The following SNPH variants were observed in gnomAD, a reference collection of about 807,000 sequenced individuals.
SNPH encodes syntaphilin.
SNPH carries 10 observed loss-of-function variants against 36.8 expected under a neutral mutation model. That is an observed-to-expected ratio of 0.27 (90% CI 0.17 to 0.46). SNPH has a LOEUF of 0.46. Ranked by LOEUF, SNPH falls within the 20% of genes least tolerant of loss-of-function variation. The pLI is 1.00. For missense variants in SNPH, 622 were observed against 744.0 expected, an observed-to-expected ratio of 0.84 and a Z score of 1.91; for synonymous variants, 281 against 312.2, an observed-to-expected ratio of 0.90 and a Z score of 1.05.
chr20:1,299,291 A>G (rs2088477379), intron 5 of SNPH, among the ~76,000 whole-genome samples: 1 of 152,184 alleles, frequency 6.6e-6, no homozygotes, highest in South Asian at 2.1e-4. Context: ...TTCCAGGCTC[A>G]TAAAGGGACA....
chr20:1,289,824 T>C (rs563385013), intron 2 of SNPH, among the ~76,000 whole-genome samples: 87 of 152,116 alleles, frequency 5.7e-4, no homozygotes, highest in Admixed American at 4.6e-4. Context: ...AGTAAGACCC[T>C]GGCTCTAAAA....
At chr20:1,298,908 T>G (rs921715871) in intron 5 of SNPH, among the ~76,000 whole-genome samples, 2 of 151,666 alleles carry the variant, frequency 1.3e-5, no homozygotes, top group Admixed American at 6.6e-5. Flanking sequence ...AAATTTTATA[T>G]CGGGGAAAAT....
At chr20:1,277,775 CTG>C (rs1225629933) in intron 2 of SNPH, among the ~76,000 whole-genome samples, 2 of 116,048 alleles carry the variant, frequency 1.7e-5, no homozygotes, top group South Asian at 2.9e-4. Flanking sequence ...GTGTCTGTCT[CTG>C]TGTGTGCCTG....
chr20:1,291,137 C>T (rs1431489888), intron 2 of SNPH, among the ~76,000 whole-genome samples: 1 of 152,212 alleles, frequency 6.6e-6, no homozygotes, highest in Non-Finnish European at 1.5e-5. Context: ...TGAGTCTAAT[C>T]ACTGGAGACA....
intron 5 of SNPH, among the ~76,000 whole-genome samples, chr20:1,298,953 G>A (rs2088473638): frequency 6.6e-6 from 1 of 151,484 alleles, no homozygotes; most frequent in Non-Finnish European, 1.5e-5. Flanking sequence ...ATGTAAAATA[G>A]TTACTTCCTC....
intron 2 of SNPH, among the ~76,000 whole-genome samples, chr20:1,277,722 G>T (rs1292359548): frequency 6.7e-6 from 1 of 148,282 alleles, no homozygotes; most frequent in Admixed American, 6.7e-5. Context: ...GTGTGTCTGT[G>T]TGTGTATCTG....
chr20:1,296,183 G>A lies in SNPH; in HGVS notation c.-57G>A, dbSNP rs1220382245. The A allele has an allele frequency of 1.6e-5, 23 of 1,396,872 alleles. No individual in the cohort carries two copies. Among genetic ancestry groups the A allele is most frequent in the South Asian group, 4.5e-5 (3 of 66,894 alleles). 86.5% of individuals were successfully genotyped at this position (1,396,872 alleles called of 1,614,324 possible). On this transcript the variant is annotated 5_prime_UTR_variant, in exon 4 of 7. The change creates a new upstream start codon in the 5' untranslated region. Transcript: ENST00000381867. ...ATTCAATTCACTGGTGGAGGCAGCC[G>A]TGGTCTGCCAGGCCCTCGCTCCTGG...
chr20:1,281,125 G>A (rs2088213475), intron 2 of SNPH, among the ~76,000 whole-genome samples: 1 of 152,094 alleles, frequency 6.6e-6, no homozygotes, highest in Non-Finnish European at 1.5e-5. Flanking sequence ...CAGAGGCCTG[G>A]GCGTCATCAC....
intron 6 of SNPH, among the ~76,000 whole-genome samples, chr20:1,301,302 C>T (rs1384377715): frequency 6.6e-6 from 1 of 152,082 alleles, no homozygotes; most frequent in Non-Finnish European, 1.5e-5. Flanking sequence ...GTGCTTAATC[C>T]CAACCCTCCC....
At chr20:1,277,916 T>C (rs1310415215) in intron 2 of SNPH, among the ~76,000 whole-genome samples, 7 of 148,282 alleles carry the variant, frequency 4.7e-5, no homozygotes, top group African/African-American at 1.0e-4. Context: ...TGTGTGTGTG[T>C]GCCTGTGTGT....
At position 1,305,271 on chromosome 20, in the gene SNPH, C is replaced by T. The variant is rs372413123; in HGVS notation, c.834C>T (p.Ser278=). The change falls in exon 7 of 7, where the codon AGC becomes AGT. Residue 278 remains serine, a synonymous_variant. Coordinates refer to ENST00000381867, the MANE Select transcript of SNPH (RefSeq NM_001318234.2). ...ACCGCCAGCCGGGTGATCCCTCCAGCGGCTCTGCTGAGGATGGGGCAGACA... is the reference window on the plus strand; with the variant it reads ...ACCGCCAGCCGGGTGATCCCTCCAGTGGCTCTGCTGAGGATGGGGCAGACA... The part of the protein sequence containing the change: ...CGDRQPGDPS[S]GSAEDGADSG... 2.7e-5 allele frequency: 44 copies of T among 1,610,626 alleles called. No individual in the cohort carries two copies. The highest frequency in any genetic ancestry group is 6.7e-5 in the African/African-American group (5 of 74,948).
intron 5 of SNPH, 112 bp downstream of exon 5, chr20:1,297,364 A>G: frequency 3.3e-6 from 3 of 911,774 alleles, no homozygotes; most frequent in Non-Finnish European, 5.0e-6. Context: ...ACGCCAGCAT[A>G]GCCGCTGGCC....
intron 3 of SNPH, among the ~76,000 whole-genome samples, chr20:1,295,231 C>T (rs1297056620): frequency 6.6e-6 from 1 of 152,174 alleles, no homozygotes; most frequent in East Asian, 1.9e-4. Context: ...TGGGCTAATA[C>T]CCAGTATAGC....
In SNPH at chr20:1,266,454, G is replaced by C; in HGVS notation, c.-600+57G>C. 1 of 699,544 alleles carries C rather than the reference G, an allele frequency of 1.4e-6. No individual in the cohort carries two copies. Among genetic ancestry groups the C allele is most frequent in the Non-Finnish European group, 2.1e-6 (1 of 471,164 alleles). The allele number at this position is 699,544 out of a possible 1,614,324, so 43.3% of individuals were successfully genotyped here. A position where few individuals can be genotyped will look rare whatever the true frequency, so the allele number is the denominator to read the frequency against. On this transcript the variant is annotated intron_variant, in intron 1 of 6. Coordinates refer to ENST00000381867, the MANE Select transcript of SNPH (RefSeq NM_001318234.2). This position sits in a 1 kb window ranked among gnomAD's most constrained non-coding sequence, Gnocchi z 6.0. ...CCACCGCCCAGCTGCACCCGCCGCA[G>C]TCCAGAGTGCCGAGTGCCAGGGGGT...
chr20:1,277,734 G>T (rs1410682019), intron 2 of SNPH, among the ~76,000 whole-genome samples: 1 of 147,858 alleles, frequency 6.8e-6, no homozygotes, highest in Non-Finnish European at 1.5e-5. Flanking sequence ...GTGTATCTGT[G>T]TGTGTCGTGT....
chr20:1,267,518 C>T (rs1002712053), intron 2 of SNPH, among the ~76,000 whole-genome samples: 1 of 152,092 alleles, frequency 6.6e-6, no homozygotes, highest in African/African-American at 2.4e-5. Flanking sequence ...AAGGAAAGTG[C>T]CAGAGATTGG....
chr20:1,293,598 C>A (rs753379680), intron 2 of SNPH, among the ~76,000 whole-genome samples: 21 of 152,122 alleles, frequency 1.4e-4, no homozygotes, highest in Non-Finnish European at 2.4e-4. Flanking sequence ...TGAGTAGGAT[C>A]CTGAGAGGTG....
intron 2 of SNPH, among the ~76,000 whole-genome samples, chr20:1,274,612 T>C (rs2088109947): frequency 6.6e-6 from 1 of 152,088 alleles, no homozygotes. Context: ...TGAGACTATC[T>C]GAGAAGGCTT....
In SNPH at chr20:1,294,051, G is replaced by T. The variant is rs1006155974; in HGVS notation, c.-492-900G>T. Among the ~76,000 whole-genome samples the T allele has an allele frequency of 6.6e-6, 1 of 152,166 alleles. No individual in the cohort carries two copies. Among genetic ancestry groups the T allele is most frequent in the African/African-American group, 2.4e-5 (1 of 41,428 alleles). ...CCTCTGCTGGAAAGTCCTCCTGAAG[G>T]CTCAGCCTCCTTTTTGCATCCTCCC... is the stretch of plus-strand genomic sequence containing the variant. On this transcript the variant is annotated intron_variant, in intron 2 of 6. Coordinates refer to ENST00000381867, the MANE Select transcript of SNPH (RefSeq NM_001318234.2). The surrounding 1 kb of genome is among the most constrained non-coding windows in gnomAD (Gnocchi z 4.4).
Sources: gnomAD v4.1 joint callset for allele counts (sites outside exome capture counted in the v4.1 genomes callset) on GRCh38, gnomAD v4.1.1 for gene constraint, Gnocchi (gnomAD v3.1) non-coding constraint, MANE v1.5 for transcripts, NCBI Gene and HGNC (gene_info 2026-07-23, HGNC 2026-07-21) for gene names.